The following PCCA variants were observed in gnomAD, a reference collection of about 807,000 sequenced individuals.
PCCA encodes propionyl-CoA carboxylase subunit alpha.
In PCCA, 74 loss-of-function variants were observed where a neutral mutation model predicts 101.3. The ratio of observed to expected loss-of-function variants is 0.73; its 90% confidence interval spans 0.61 to 0.89. PCCA has a LOEUF of 0.89. PCCA is among the 40% of genes least tolerant of loss of function. PCCA has a pLI of 0.00. For missense variants in PCCA, 891 were observed against 907.0 expected, an observed-to-expected ratio of 0.98 and a Z score of 0.23; for synonymous variants, 294 against 313.6, an observed-to-expected ratio of 0.94 and a Z score of 0.66.
chr13:100,169,840 C>T (rs1267050604), intron 6 of PCCA, among the ~76,000 whole-genome samples: 2 of 152,066 alleles, frequency 1.3e-5, no homozygotes, highest in East Asian at 1.9e-4. Context: ...GCTGGGATTA[C>T]AGATGCCTAC....
At chr13:100,273,908 G>C (rs916671020) in intron 12 of PCCA, among the ~76,000 whole-genome samples, 2 of 152,186 alleles carry the variant, frequency 1.3e-5, no homozygotes, top group African/African-American at 4.8e-5. Flanking sequence ...GTAACCGGTG[G>C]CTTTATTTCC....
chr13:100,461,017 C>G (rs956039586), intron 21 of PCCA, among the ~76,000 whole-genome samples: 4 of 152,202 alleles, frequency 2.6e-5, no homozygotes, highest in Non-Finnish European at 4.4e-5. Flanking sequence ...GCTGAAAACC[C>G]AACCTGATCT....
chr13:100,502,664 ATGAC>A (rs754473005), intron 21 of PCCA, among the ~76,000 whole-genome samples: 22 of 152,210 alleles, frequency 1.4e-4, no homozygotes, highest in Non-Finnish European at 3.2e-4. Context: ...AGACTTGAAA[ATGAC>A]TGAGTGGTTA....
intron 16 of PCCA, among the ~76,000 whole-genome samples, chr13:100,315,313 TAAAA>T (rs1156450572): frequency 6.6e-6 from 1 of 151,990 alleles, no homozygotes; most frequent in African/African-American, 2.4e-5. Context: ...AATAAAAAGT[TAAAA>T]AAATAGGGAA....
intron 19 of PCCA, among the ~76,000 whole-genome samples, chr13:100,378,862 G>C (rs1022417866): frequency 6.6e-6 from 1 of 151,784 alleles, no homozygotes; most frequent in Non-Finnish European, 1.5e-5. Context: ...TTGTTTTTCA[G>C]ATCACTCTTG....
At chr13:100,095,923 G>A (rs115860403) in intron 1 of PCCA, among the ~76,000 whole-genome samples, 1 of 152,134 alleles carries the variant, frequency 6.6e-6, no homozygotes, top group Non-Finnish European at 1.5e-5. Context: ...AGTAGGATTG[G>A]GGACTGGGGT....
intron 8 of PCCA, among the ~76,000 whole-genome samples, chr13:100,246,092 C>A (rs1445346160): frequency 6.6e-6 from 1 of 152,130 alleles, no homozygotes; most frequent in Non-Finnish European, 1.5e-5. Context: ...GGGGTGTGGG[C>A]TGCCCCTAGG....
intron 17 of PCCA, among the ~76,000 whole-genome samples, chr13:100,338,678 A>T (rs1016319254): frequency 2.7e-5 from 4 of 149,174 alleles, no homozygotes; most frequent in Non-Finnish European, 4.4e-5. Context: ...TGCCCATAAG[A>T]GTATGGTTTA....
chr13:100,509,193 C>T (rs150058472), intron 21 of PCCA, among the ~76,000 whole-genome samples: 1 of 152,188 alleles, frequency 6.6e-6, no homozygotes, highest in Non-Finnish European at 1.5e-5. Flanking sequence ...TGCCAGTAGA[C>T]GGATATGTTA....
At chr13:100,166,993 A>T (rs774642956) in intron 6 of PCCA, among the ~76,000 whole-genome samples, 27 of 152,036 alleles carry the variant, frequency 1.8e-4, no homozygotes, top group Non-Finnish European at 3.4e-4. Flanking sequence ...TGTTGAGCTC[A>T]TTTGCTTTAT....
intron 6 of PCCA, among the ~76,000 whole-genome samples, chr13:100,191,581 T>C (rs2057745740): frequency 1.3e-5 from 2 of 152,216 alleles, no homozygotes; most frequent in Admixed American, 1.3e-4. Context: ...GGCTCCACAG[T>C]CCCTGTTCTT....
chr13:100,266,349 A>G (rs1453213128), intron 10 of PCCA, among the ~76,000 whole-genome samples: 1 of 152,146 alleles, frequency 6.6e-6, no homozygotes, highest in Non-Finnish European at 1.5e-5. Context: ...AGTTTATTTT[A>G]TTTAGCCATG....
chr13:100,317,106 T>G, intron 16 of PCCA, among the ~76,000 whole-genome samples: 1 of 152,206 alleles, frequency 6.6e-6, no homozygotes, highest in East Asian at 1.9e-4. Flanking sequence ...GCTAACTTAC[T>G]TACTGTTTTG....
intron 19 of PCCA, among the ~76,000 whole-genome samples, chr13:100,372,068 C>T (rs916870571): frequency 3.3e-5 from 5 of 152,144 alleles, no homozygotes; most frequent in South Asian, 2.1e-4. Flanking sequence ...GGGAAGGCTG[C>T]GCACAGTGGC....
At chr13:100,515,192 T>G in intron 21 of PCCA, among the ~76,000 whole-genome samples, 1 of 152,240 alleles carries the variant, frequency 6.6e-6, no homozygotes, top group East Asian at 1.9e-4. Flanking sequence ...ATGATACTTA[T>G]CAATGATTAA....
At chr13:100,193,585 C>T (rs1019055576) in intron 6 of PCCA, among the ~76,000 whole-genome samples, 1 of 152,034 alleles carries the variant, frequency 6.6e-6, no homozygotes, top group African/African-American at 2.4e-5. Context: ...TCATTATATT[C>T]CTTGTTCTTT....
In PCCA at chr13:100,089,243, C is replaced by A; in HGVS notation, c.105+18C>A. 1.3e-6 allele frequency: 2 copies of A among 1,483,824 alleles called. No individual in the cohort carries two copies. Among genetic ancestry groups the A allele is most frequent in the South Asian group, 2.6e-5 (2 of 75,622 alleles). The allele number at this position is 1,483,824 out of a possible 1,614,324, so 91.9% of individuals were successfully genotyped here. A position where few individuals can be genotyped will look rare whatever the true frequency, so the allele number is the denominator to read the frequency against. ...CCCTGAAGGTGAGGAGCAACGGGGC[C>A]TCGCGGGTCCGGGCTTCACTGGGCT... On this transcript the variant is annotated intron_variant, in intron 1 of 23. Coordinates refer to ENST00000376285, the MANE Select transcript of PCCA (RefSeq NM_000282.4).
At chr13:100,307,119 A>G in intron 14 of PCCA, 73 bp from the exon 15 acceptor site, 2 of 965,560 alleles carry the variant, frequency 2.1e-6, no homozygotes, top group Non-Finnish European at 3.3e-6. Context: ...TCTCCATGGA[A>G]ATGAAATTGG....
At chr13:100,421,216 A>T (rs1205799352) in intron 19 of PCCA, among the ~76,000 whole-genome samples, 2 of 152,134 alleles carry the variant, frequency 1.3e-5, no homozygotes, top group African/African-American at 4.8e-5. Context: ...AAAAAAAAAA[A>T]AATTAATGTA....
Sources: allele counts gnomAD v4.1 joint callset (sites outside exome capture counted in the v4.1 genomes callset), GRCh38; gene constraint gnomAD v4.1.1; transcripts MANE v1.5; gene names NCBI Gene and HGNC (gene_info 2026-07-23, HGNC 2026-07-21).